CNTN4: variants seen among roughly 807,000 people sequenced by gnomAD.
The protein encoded by CNTN4 is contactin 4.
Under a neutral mutation model 122.5 loss-of-function variants are expected in CNTN4, and 77 were observed. The ratio of observed to expected loss-of-function variants is 0.63; its 90% CI spans 0.52 to 0.76. The LOEUF is 0.76. Among genes scored for constraint, CNTN4 ranks in the 30% least tolerant of loss-of-function variants. CNTN4 has a pLI of 0.00. For synonymous variants in CNTN4, 512 were observed against 447.0 expected (o/e 1.15, Z -1.83); for missense variants, 1,256 against 1,259.1 (o/e 1.00, Z 0.04).
intron 3 of CNTN4, among the ~76,000 whole-genome samples, chr3:2,567,881 A>G (rs1042134141): frequency 9.9e-5 from 15 of 152,084 alleles, no homozygotes; most frequent in Non-Finnish European, 1.6e-4. Context: ...AGCTCAGTTC[A>G]GTGATAATCT....
At position 2,195,539 on chromosome 3, in the gene CNTN4, G is replaced by A. The variant is rs533895817; in HGVS notation, c.-145+94900G>A. Among the ~76,000 whole-genome samples, 35 of 152,296 alleles carry A rather than the reference G, an allele frequency of 2.3e-4. 1 individual carries two copies. The South Asian group carries it at 6.0e-3, about 26-fold the overall frequency. ...AATATTTGGAAATAACTGCTATTCTGATGCAATATAGAATTTTGTAGCCTA... is the reference window on the plus strand; with the variant it reads ...AATATTTGGAAATAACTGCTATTCTAATGCAATATAGAATTTTGTAGCCTA... On this transcript the variant is annotated intron_variant, in intron 2 of 24. Coordinates refer to ENST00000418658, the MANE Select transcript of CNTN4 (RefSeq NM_175607.3).
At chr3:2,532,277 G>A (rs1484654033) in intron 3 of CNTN4, among the ~76,000 whole-genome samples, 2 of 151,952 alleles carry the variant, frequency 1.3e-5, no homozygotes, top group African/African-American at 2.4e-5. Flanking sequence ...TTGAGAGACA[G>A]CATCTCACCC....
intron 2 of CNTN4, among the ~76,000 whole-genome samples, chr3:2,225,254 C>G (rs1028826410): frequency 2.6e-5 from 4 of 151,056 alleles, no homozygotes; most frequent in Non-Finnish European, 5.9e-5. Flanking sequence ...TTGGCTCACA[C>G]CTGCAATCCC....
intron 3 of CNTN4, among the ~76,000 whole-genome samples, chr3:2,415,282 A>G (rs890609240): frequency 2.0e-5 from 3 of 152,176 alleles, no homozygotes; most frequent in African/African-American, 7.2e-5. Context: ...TTATAAAAGT[A>G]TTGATTGTGT....
At chr3:2,595,594 C>T (rs928334289) in intron 4 of CNTN4, among the ~76,000 whole-genome samples, 1 of 152,084 alleles carries the variant, frequency 6.6e-6, no homozygotes, top group East Asian at 1.9e-4. Flanking sequence ...TGGCTCCAGG[C>T]CCCCAGAGAC....
chr3:3,034,505 T>G, intron 16 of CNTN4, 127 bp from the exon 17 acceptor site: 1 of 1,038,318 alleles, frequency 9.6e-7, no homozygotes, highest in Non-Finnish European at 1.5e-6. Context: ...CAAAAAGGAT[T>G]TGACAAGTGA....
chr3:2,819,401 G>T, intron 6 of CNTN4, 85 bp from the exon 7 acceptor site: 2 of 1,069,016 alleles, frequency 1.9e-6, no homozygotes, highest in South Asian at 1.3e-5. Context: ...TGAGCAGAAT[G>T]ATTCTCTTTT....
At chr3:2,674,817 C>A (rs1307632072) in intron 4 of CNTN4, among the ~76,000 whole-genome samples, 1 of 151,902 alleles carries the variant, frequency 6.6e-6, no homozygotes, top group Non-Finnish European at 1.5e-5. Context: ...CTATAGAGCA[C>A]TAGAGCTTAT....
At chr3:2,773,050 A>G (rs2091170869) in intron 6 of CNTN4, among the ~76,000 whole-genome samples, 1 of 152,190 alleles carries the variant, frequency 6.6e-6, no homozygotes, top group Non-Finnish European at 1.5e-5. Context: ...CTTTTGCCAG[A>G]GCGGTTTCAT....
At chr3:2,650,854 A>C (rs1309363892) in intron 4 of CNTN4, among the ~76,000 whole-genome samples, 2 of 152,114 alleles carry the variant, frequency 1.3e-5, no homozygotes, top group East Asian at 1.9e-4. Flanking sequence ...AAACCAAAAA[A>C]CTTGCGTGGC....
chr3:2,400,045 G>GGGCTT (rs1416800355), intron 3 of CNTN4, among the ~76,000 whole-genome samples: 1 of 151,836 alleles, frequency 6.6e-6, no homozygotes, highest in Non-Finnish European at 1.5e-5. Flanking sequence ...GACTAATTAC[G>GGGCTT]GGCTTGGGTT....
chr3:2,975,740 A>T (rs1471664752), intron 13 of CNTN4, among the ~76,000 whole-genome samples: 2 of 152,118 alleles, frequency 1.3e-5, no homozygotes, highest in Non-Finnish European at 2.9e-5. Context: ...AAGCTTCCTG[A>T]GTGCTTTATA....
intron 2 of CNTN4, among the ~76,000 whole-genome samples, chr3:2,137,676 T>G (rs913009410): frequency 6.6e-6 from 1 of 152,154 alleles, no homozygotes; most frequent in East Asian, 1.9e-4. Flanking sequence ...TTTTCACAAG[T>G]GACAGAAAAG....
intron 3 of CNTN4, among the ~76,000 whole-genome samples, chr3:2,464,035 C>T (rs996029288): frequency 6.6e-6 from 1 of 152,112 alleles, no homozygotes; most frequent in Non-Finnish European, 1.5e-5. Flanking sequence ...CACCCCTAAC[C>T]GTAGGCAGTA....
chr3:2,699,023 TAA>T (rs11334621), intron 4 of CNTN4, among the ~76,000 whole-genome samples: 35 of 148,994 alleles, frequency 2.3e-4, no homozygotes, highest in Admixed American at 5.3e-4. Context: ...GACTCTGTCT[TAA>T]AAAAAAAAAA....
At chr3:3,010,045 G>A (rs1223928205) in intron 14 of CNTN4, among the ~76,000 whole-genome samples, 2 of 152,058 alleles carry the variant, frequency 1.3e-5, no homozygotes, top group Non-Finnish European at 2.9e-5. Context: ...TGGGGAAGGA[G>A]ACTGAGAATC....
intron 2 of CNTN4, among the ~76,000 whole-genome samples, chr3:2,312,021 A>T (rs2042932303): frequency 6.6e-6 from 1 of 151,976 alleles, no homozygotes; most frequent in African/African-American, 2.4e-5. Context: ...AAAAAGTGAG[A>T]GTTTTTTTTT....
At chr3:2,657,768 G>C (rs528990260) in intron 4 of CNTN4, among the ~76,000 whole-genome samples, 1 of 151,888 alleles carries the variant, frequency 6.6e-6, no homozygotes, top group South Asian at 2.1e-4. Context: ...AATCGTTCTA[G>C]AGAAAAAATA....
intron 13 of CNTN4, among the ~76,000 whole-genome samples, chr3:2,977,682 C>G (rs545745983): frequency 3.9e-5 from 6 of 152,288 alleles, no homozygotes; most frequent in African/African-American, 1.4e-4. Context: ...CGTCTAAGGG[C>G]TTCAAACAAG....
Sources: gnomAD v4.1 joint callset for allele counts (sites outside exome capture counted in the v4.1 genomes callset) on GRCh38, gnomAD v4.1.1 for gene constraint, MANE v1.5 for transcripts, NCBI Gene and HGNC (gene_info 2026-07-23, HGNC 2026-07-21) for gene names.